PARD3: variants seen among roughly 807,000 people sequenced by gnomAD.
The protein encoded by PARD3 is partitioning defective 3 homolog.
In PARD3, 75 loss-of-function variants were observed where a neutral mutation model predicts 155.4. That is an observed-to-expected ratio of 0.48 (90% confidence interval 0.40 to 0.58). The LOEUF (loss-of-function observed/expected upper bound fraction) is 0.58. Among genes scored for constraint, PARD3 ranks in the 20% least tolerant of loss-of-function variants. The pLI is 0.00. For synonymous variants in PARD3, 576 were observed against 610.5 expected, an observed-to-expected ratio of 0.94 and a Z score of 0.83; for missense variants, 1,642 against 1,721.7, an observed-to-expected ratio of 0.95 and a Z score of 0.82.
chr10:34,643,094 C>T (rs1271892430), intron 2 of PARD3, among the ~76,000 whole-genome samples: 2 of 152,214 alleles, frequency 1.3e-5, no homozygotes, highest in African/African-American at 2.4e-5. Flanking sequence ...ATCAATCCCC[C>T]CACAACATAA....
chr10:34,408,481 C>T (rs2132273829), intron 5 of PARD3, among the ~76,000 whole-genome samples: 1 of 152,226 alleles, frequency 6.6e-6, no homozygotes, highest in South Asian at 2.1e-4. Flanking sequence ...AATTAAAGCA[C>T]TTTTTCTTTG....
intron 19 of PARD3, among the ~76,000 whole-genome samples, chr10:34,328,293 T>C (rs925630199): frequency 6.6e-5 from 10 of 152,122 alleles, no homozygotes; most frequent in African/African-American, 2.4e-4. Flanking sequence ...AGCTTTGTGT[T>C]TGGTAATGCA....
intron 14 of PARD3, among the ~76,000 whole-genome samples, chr10:34,358,857 G>A (rs1003157514): frequency 3.9e-5 from 6 of 152,194 alleles, no homozygotes; most frequent in African/African-American, 7.2e-5. Context: ...TGAGAAGGAA[G>A]ATGTGACCCT....
Position 34,378,212 on chromosome 10 carries a change from A to T in PARD3, c.1400-106T>A, listed in dbSNP as rs374516285. The T allele has an allele frequency of 9.6e-4, 748 of 776,818 alleles. 9 individuals carry two copies. The South Asian group carries it at 0.013, about 13-fold the overall frequency. 48.1% of individuals were successfully genotyped at this position (776,818 alleles called of 1,614,324 possible). A position where few individuals can be genotyped will look rare whatever the true frequency, so the allele number is the denominator to read the frequency against. On this transcript the variant is annotated intron_variant, in intron 9 of 24. Transcript: ENST00000374788. Reference sequence around the variant, plus strand: ...CTCAACTTGACATTTTGTAACTTTCACAATGGTCCACATTTCTTCTACTAC... The same window carrying T: ...CTCAACTTGACATTTTGTAACTTTCTCAATGGTCCACATTTCTTCTACTAC...
intron 5 of PARD3, among the ~76,000 whole-genome samples, chr10:34,445,237 T>C (rs1054285951): frequency 2.0e-5 from 3 of 152,224 alleles, no homozygotes; most frequent in Non-Finnish European, 2.9e-5. Context: ...TAAATGGGAA[T>C]AATTGGAATA....
chr10:34,134,032 T>C (rs1231981432), intron 22 of PARD3, among the ~76,000 whole-genome samples: 1 of 152,262 alleles, frequency 6.6e-6, no homozygotes, highest in Non-Finnish European at 1.5e-5. Context: ...ATTGGGCTGC[T>C]TGACGACACA....
At chr10:34,374,034 T>C (rs1278019416) in intron 11 of PARD3, among the ~76,000 whole-genome samples, 3 of 152,156 alleles carry the variant, frequency 2.0e-5, no homozygotes, top group African/African-American at 7.2e-5. Flanking sequence ...TATTCCAAAA[T>C]GATCCAAGTA....
At chr10:34,637,517 G>A (rs891015411) in intron 2 of PARD3, among the ~76,000 whole-genome samples, 2 of 152,182 alleles carry the variant, frequency 1.3e-5, no homozygotes, top group African/African-American at 4.8e-5. Flanking sequence ...TTCCCGGATC[G>A]TGCATTTGAA....
At chr10:34,157,561 C>T (rs1949068010) in intron 22 of PARD3, among the ~76,000 whole-genome samples, 1 of 152,080 alleles carries the variant, frequency 6.6e-6, no homozygotes, top group Non-Finnish European at 1.5e-5. Context: ...ATCATGAGTC[C>T]ATGTACAATA....
chr10:34,796,230 A>G (rs1291721273), intron 1 of PARD3, among the ~76,000 whole-genome samples: 1 of 152,200 alleles, frequency 6.6e-6, no homozygotes, highest in Non-Finnish European at 1.5e-5. Flanking sequence ...ACCCCCACCA[A>G]ACACCAGATA....
intron 2 of PARD3, among the ~76,000 whole-genome samples, chr10:34,569,582 T>G (rs1180291723): frequency 6.6e-6 from 1 of 152,000 alleles, no homozygotes; most frequent in Admixed American, 6.6e-5. Context: ...CACACCCAGC[T>G]AATTTTTTGT....
chr10:34,312,341 C>T lies in PARD3; in HGVS notation c.3065+4766G>A, dbSNP rs376157635. 1.2e-4 allele frequency: 201 copies of T among 1,611,880 alleles called. 1 individual carries two copies. The Middle Eastern group carries it at 3.0e-3, about 24-fold the overall frequency. On this transcript the variant is annotated intron_variant, in intron 20 of 24. Coordinates refer to ENST00000374788, the MANE Select transcript of PARD3 (RefSeq NM_001184785.2). ...GTGCTGTTCAAGACATGTTTTGAAT[C>T]GCTTTGTTGTTCATCTCTTCTCGGG...
At chr10:34,147,386 A>G (rs912084086) in intron 22 of PARD3, among the ~76,000 whole-genome samples, 2 of 152,084 alleles carry the variant, frequency 1.3e-5, no homozygotes, top group African/African-American at 4.8e-5. Context: ...AGAAAAATAT[A>G]TCTTTACTAT....
chr10:34,621,818 T>G (rs2091694614), intron 2 of PARD3, among the ~76,000 whole-genome samples: 2 of 152,184 alleles, frequency 1.3e-5, no homozygotes, highest in African/African-American at 4.8e-5. Flanking sequence ...TTAAACCAAC[T>G]TCATAGTACC....
chr10:34,640,519 G>A (rs2092636215), intron 2 of PARD3, among the ~76,000 whole-genome samples: 1 of 151,154 alleles, frequency 6.6e-6, no homozygotes, highest in Non-Finnish European at 1.5e-5. Context: ...CAGGGGGCCT[G>A]TCTAACATGG....
chr10:34,289,606 T>C (rs1956577694), intron 20 of PARD3, among the ~76,000 whole-genome samples: 1 of 151,798 alleles, frequency 6.6e-6, no homozygotes, highest in East Asian at 1.9e-4. Flanking sequence ...GCATTAGGAG[T>C]GAAGGTACAC....
chr10:34,191,249 G>A (rs1158105787), intron 22 of PARD3, among the ~76,000 whole-genome samples: 1 of 151,928 alleles, frequency 6.6e-6, no homozygotes, highest in Non-Finnish European at 1.5e-5. Context: ...AACCAGGAGA[G>A]ATTTAGAGCG....
At chr10:34,145,219 A>ATTTT (rs1482241627) in intron 22 of PARD3, among the ~76,000 whole-genome samples, 781 of 53,474 alleles carry the variant, frequency 0.015, 11 homozygotes, top group Non-Finnish European at 0.02. Context: ...ATATATATAT[A>ATTTT]TATTTTTTTT....
intron 24 of PARD3, 84 bp from the exon 25 acceptor site, chr10:34,111,646 G>GC: frequency 1.8e-6 from 2 of 1,111,550 alleles, no homozygotes; most frequent in Non-Finnish European, 2.6e-6. Flanking sequence ...GATGGAATAT[G>GC]CATTTTCACT....
Sources: gnomAD v4.1 joint callset for allele counts (sites outside exome capture counted in the v4.1 genomes callset) on GRCh38, gnomAD v4.1.1 for gene constraint, MANE v1.5 for transcripts, NCBI Gene and HGNC (gene_info 2026-07-23, HGNC 2026-07-21) for gene names.